The following LRRTM4 variants were observed in gnomAD, a reference collection of about 807,000 sequenced individuals.
The protein encoded by LRRTM4 is leucine-rich repeat transmembrane neuronal protein 4.
In LRRTM4, 25 loss-of-function variants were observed where a neutral mutation model predicts 47.6. The ratio of observed to expected loss-of-function variants is 0.53; its 90% CI spans 0.38 to 0.73. The LOEUF (loss-of-function observed/expected upper bound fraction) is 0.73. LRRTM4 is among the 30% of genes least tolerant of loss of function. The pLI is 0.00. For synonymous variants in LRRTM4, 311 were observed against 269.5 expected (o/e 1.15, Z -1.51); for missense variants, 638 against 713.4 (o/e 0.89, Z 1.20).
At chr2:76,805,436 C>T (rs1037944423) in intron 3 of LRRTM4, among the ~76,000 whole-genome samples, 1 of 152,016 alleles carries the variant, frequency 6.6e-6, no homozygotes. Flanking sequence ...CTGAAATATT[C>T]AGGGGCTCAA....
At chr2:77,263,522 G>A (rs1483418960) in intron 3 of LRRTM4, among the ~76,000 whole-genome samples, 1 of 152,098 alleles carries the variant, frequency 6.6e-6, no homozygotes, top group Non-Finnish European at 1.5e-5. Flanking sequence ...TCTCCAGATG[G>A]ATAGTTTCAA....
intron 3 of LRRTM4, among the ~76,000 whole-genome samples, chr2:76,871,247 C>T (rs1374090629): frequency 1.3e-5 from 2 of 152,146 alleles, no homozygotes; most frequent in African/African-American, 4.8e-5. Context: ...AAGCTTCAAA[C>T]TGCTGTGTCT....
chr2:77,397,404 T>A (rs1222320468), intron 3 of LRRTM4, among the ~76,000 whole-genome samples: 1 of 151,848 alleles, frequency 6.6e-6, no homozygotes, highest in Non-Finnish European at 1.5e-5. Flanking sequence ...AACATAGCTA[T>A]CAGCAGATAG....
At chr2:77,112,485 T>C (rs1671277163) in intron 3 of LRRTM4, among the ~76,000 whole-genome samples, 1 of 152,200 alleles carries the variant, frequency 6.6e-6, no homozygotes. Flanking sequence ...AGTAATTTTA[T>C]CTTTTATATT....
chr2:77,055,868 G>C (rs1281506520), intron 3 of LRRTM4, among the ~76,000 whole-genome samples: 1 of 151,690 alleles, frequency 6.6e-6, no homozygotes, highest in Non-Finnish European at 1.5e-5. Flanking sequence ...CCATAAAAAA[G>C]GATGAGTTCA....
intron 3 of LRRTM4, among the ~76,000 whole-genome samples, chr2:77,075,778 A>T (rs1431730496): frequency 6.7e-6 from 1 of 148,452 alleles, no homozygotes. Context: ...AGCCGGGCGT[A>T]GTGGCGGGCG....
intron 3 of LRRTM4, among the ~76,000 whole-genome samples, chr2:77,362,149 G>GAAAT (rs1338715191): frequency 6.6e-6 from 1 of 150,792 alleles, no homozygotes; most frequent in African/African-American, 2.5e-5. Flanking sequence ...AAGAAAGAAA[G>GAAAT]AAAGAAAGAA....
intron 3 of LRRTM4, among the ~76,000 whole-genome samples, chr2:77,248,630 A>C (rs1343589094): frequency 6.6e-6 from 1 of 152,198 alleles, no homozygotes; most frequent in Non-Finnish European, 1.5e-5. Flanking sequence ...TTCTGACACT[A>C]TCTCATTTCA....
intron 3 of LRRTM4, among the ~76,000 whole-genome samples, chr2:77,195,660 A>T (rs761322259): frequency 6.6e-6 from 1 of 152,186 alleles, no homozygotes; most frequent in Non-Finnish European, 1.5e-5. Context: ...ATGGCAGTCA[A>T]ATTGCAAACT....
chr2:77,325,488 T>C (rs1016562104), intron 3 of LRRTM4, among the ~76,000 whole-genome samples: 1 of 152,094 alleles, frequency 6.6e-6, no homozygotes, highest in Non-Finnish European at 1.5e-5. Context: ...AATTAGAGTG[T>C]ATTGATATCA....
chr2:76,803,344 A>T lies in LRRTM4; in HGVS notation c.1552-54428T>A, dbSNP rs374797234. 1.1e-4 allele frequency among the ~76,000 whole-genome samples: 16 copies of T among 152,298 alleles called. No individual in the cohort carries two copies. In the South Asian group the frequency reaches 3.3e-3, roughly 32 times the overall value. On this transcript the variant is annotated intron_variant, in intron 3 of 3. Coordinates refer to ENST00000409884, the MANE Select transcript of LRRTM4 (RefSeq NM_001134745.3). ...ACAAATAGCCAATTAATATATGCAA[A>T]AATGCCCAACATTACTGATCATCAG...
At chr2:77,439,047 T>A (rs191789888) in intron 3 of LRRTM4, among the ~76,000 whole-genome samples, 4 of 152,280 alleles carry the variant, frequency 2.6e-5, no homozygotes, top group Admixed American at 2.0e-4. Flanking sequence ...TCAAAACGTC[T>A]CTTATAGGCT....
intron 3 of LRRTM4, among the ~76,000 whole-genome samples, chr2:77,096,742 A>G (rs566023341): frequency 3.3e-5 from 5 of 151,668 alleles, no homozygotes; most frequent in African/African-American, 4.8e-5. Context: ...CATAGCTTCT[A>G]TTATTGGGAA....
intron 3 of LRRTM4, among the ~76,000 whole-genome samples, chr2:77,339,763 T>C (rs1671300329): frequency 1.3e-5 from 2 of 151,938 alleles, no homozygotes; most frequent in Non-Finnish European, 2.9e-5. Flanking sequence ...ATATCCTTTT[T>C]CATAGGCCAG....
chr2:76,977,931 T>C (rs765875275), intron 3 of LRRTM4, among the ~76,000 whole-genome samples: 1 of 151,998 alleles, frequency 6.6e-6, no homozygotes, highest in Non-Finnish European at 1.5e-5. Context: ...AAGAAAGAAC[T>C]GAAAGGCTTG....
intron 3 of LRRTM4, among the ~76,000 whole-genome samples, chr2:77,312,872 G>A (rs1677497514): frequency 6.6e-6 from 1 of 152,152 alleles, no homozygotes; most frequent in Non-Finnish European, 1.5e-5. Flanking sequence ...ACACAAATGA[G>A]GTCAAGTGAG....
intron 3 of LRRTM4, among the ~76,000 whole-genome samples, chr2:77,332,089 T>C (rs1480876712): frequency 1.3e-5 from 2 of 152,184 alleles, no homozygotes; most frequent in Non-Finnish European, 2.9e-5. Context: ...CCCAGTTTTC[T>C]AGAAAAATCC....
intron 3 of LRRTM4, among the ~76,000 whole-genome samples, chr2:76,795,640 G>GACTCCATCTCTTGGCTA (rs903419396): frequency 1.3e-5 from 2 of 151,740 alleles, no homozygotes; most frequent in African/African-American, 4.8e-5. Context: ...GACACAGGTT[G>GACTCCATCTCTTGGCTA]ACTCCATCTC....
At chr2:77,045,409 T>G (rs527799330) in intron 3 of LRRTM4, among the ~76,000 whole-genome samples, 5 of 151,902 alleles carry the variant, frequency 3.3e-5, no homozygotes, top group Admixed American at 6.6e-5. Flanking sequence ...CCCCTGCAAA[T>G]TCAATCATTA....
Sources: gnomAD v4.1 joint callset for allele counts (sites outside exome capture counted in the v4.1 genomes callset) on GRCh38, gnomAD v4.1.1 for gene constraint, MANE v1.5 for transcripts, NCBI Gene and HGNC (gene_info 2026-07-23, HGNC 2026-07-21) for gene names.